SORCS3: variants seen among roughly 807,000 people sequenced by gnomAD.
The protein encoded by SORCS3 is VPS10 domain-containing receptor SorCS3.
SORCS3 carries 57 observed loss-of-function variants against 146.3 expected under a neutral mutation model. The observed-to-expected ratio is 0.39, with a 90% CI of 0.31 to 0.49. The LOEUF (loss-of-function observed/expected upper bound fraction) is 0.49. Among genes scored for constraint, SORCS3 ranks in the 20% least tolerant of loss-of-function variants. SORCS3 has a pLI of 0.92. For missense variants in SORCS3, 1,341 were observed against 1,575.5 expected (o/e 0.85, Z 2.52); for synonymous variants, 653 against 618.5 (o/e 1.06, Z -0.83).
intron 7 of SORCS3, among the ~76,000 whole-genome samples, chr10:105,122,971 T>C (rs1178932156): frequency 1.3e-5 from 2 of 152,204 alleles, no homozygotes; most frequent in African/African-American, 4.8e-5. Flanking sequence ...TGGGTGATCT[T>C]GGGCCATCAC....
At position 104,915,937 on chromosome 10, in the gene SORCS3, G is replaced by C; in HGVS notation, c.795+5G>C. 1 of 1,611,432 alleles carries C rather than the reference G, an allele frequency of 6.2e-7. No individual in the cohort carries two copies. Among genetic ancestry groups the C allele is most frequent in the South Asian group, 1.1e-5 (1 of 91,030 alleles). On this transcript the variant is annotated splice_donor_5th_base_variant and intron_variant, in intron 3 of 26. Coordinates refer to ENST00000369701, the MANE Select transcript of SORCS3 (RefSeq NM_014978.3). ...AATCCAACCAACAAAAGGAAGGTAA[G>C]AGACTGGGTCAGTAGGTCCTGAGCA... is the stretch of plus-strand genomic sequence containing the variant.
chr10:104,782,512 T>G (rs1192328808), intron 1 of SORCS3, among the ~76,000 whole-genome samples: 2 of 152,238 alleles, frequency 1.3e-5, no homozygotes, highest in Non-Finnish European at 2.9e-5. Context: ...CTAGTTCATC[T>G]TTCTTATCAG....
At chr10:105,155,967 C>CT (rs991116635) in intron 9 of SORCS3, among the ~76,000 whole-genome samples, 7 of 152,180 alleles carry the variant, frequency 4.6e-5, no homozygotes, top group African/African-American at 1.4e-4. Flanking sequence ...GAAGAGAAGA[C>CT]TTTTTATTTC....
In SORCS3 at chr10:104,921,511, G is replaced by C. The variant is rs1007189563; in HGVS notation, c.795+5579G>C. ...TCTCTCTCTCTCTCTCTCTGTGTGT[G>C]TGTGTGTGTGTGTGTGTGTGTGTGT... On this transcript the variant is annotated intron_variant, in intron 3 of 26. Coordinates refer to ENST00000369701, the MANE Select transcript of SORCS3 (RefSeq NM_014978.3). 1.0e-2 allele frequency among the ~76,000 whole-genome samples: 1,503 copies of C among 150,444 alleles called. 24 individuals carry two copies. Among genetic ancestry groups the C allele is most frequent in the South Asian group, 0.036 (171 of 4,740 alleles).
At chr10:104,708,040 G>A (rs2016359194) in intron 1 of SORCS3, among the ~76,000 whole-genome samples, 1 of 152,174 alleles carries the variant, frequency 6.6e-6, no homozygotes, top group Non-Finnish European at 1.5e-5. Flanking sequence ...TGTTGACAAA[G>A]GGGCTGGTTT....
intron 4 of SORCS3, among the ~76,000 whole-genome samples, chr10:104,988,311 G>C (rs1185807402): frequency 6.6e-6 from 1 of 152,098 alleles, no homozygotes; most frequent in African/African-American, 2.4e-5. Flanking sequence ...GCACAATAGA[G>C]TAAGACAACA....
At chr10:105,157,330 C>G in intron 10 of SORCS3, 46 bp downstream of exon 10, 2 of 1,605,070 alleles carry the variant, frequency 1.2e-6, no homozygotes, top group East Asian at 2.2e-5. Flanking sequence ...AGGCTGGCCA[C>G]CTGCAGAAGC....
chr10:104,847,941 C>T (rs1589522254), intron 2 of SORCS3, among the ~76,000 whole-genome samples: 1 of 151,904 alleles, frequency 6.6e-6, no homozygotes, highest in African/African-American at 2.4e-5. Flanking sequence ...TGCTGGAGAC[C>T]TTTCATGACC....
intron 4 of SORCS3, among the ~76,000 whole-genome samples, chr10:105,000,086 A>T (rs1420735408): frequency 1.3e-5 from 2 of 152,066 alleles, no homozygotes; most frequent in African/African-American, 4.8e-5. Context: ...TGAATGAATG[A>T]ATGAACAAAA....
chr10:104,641,341 G>T lies in SORCS3; in HGVS notation c.14G>T (p.Arg5Leu). 1 of 1,344,792 alleles carries T rather than the reference G, an allele frequency of 7.4e-7. No homozygotes were observed. The highest frequency in any genetic ancestry group is 9.5e-7 in the Non-Finnish European group (1 of 1,052,442). 83.3% of individuals were successfully genotyped at this position (1,344,792 alleles called of 1,614,324 possible). ...AGCCGCAGCGGGATGGAGGCGGCGC[G>T]CACGGAGCGCCCCGCAGGCAGGCCG... MEAA[R>L]TERPAGRPGA... Residue 5 changes from arginine to leucine, a missense_variant, in exon 1 of 27, where the codon CGC becomes CTC. Transcript: ENST00000369701. This position sits in a 1 kb window ranked among gnomAD's most constrained non-coding sequence, Gnocchi z 6.4.
chr10:105,146,196 C>G (rs1282175089), intron 8 of SORCS3, among the ~76,000 whole-genome samples: 1 of 151,926 alleles, frequency 6.6e-6, no homozygotes, highest in African/African-American at 2.4e-5. Flanking sequence ...AATGATTATC[C>G]ATGTCCTCCT....
chr10:104,920,151 T>G (rs146925664), intron 3 of SORCS3, among the ~76,000 whole-genome samples: 2,035 of 152,270 alleles, frequency 0.013, 21 homozygotes, highest in Non-Finnish European at 0.021. Flanking sequence ...GGCAGTAGTC[T>G]CTCGTGGATT....
intron 1 of SORCS3, among the ~76,000 whole-genome samples, chr10:104,819,313 C>T (rs2017844920): frequency 6.6e-6 from 1 of 152,076 alleles, no homozygotes; most frequent in Middle Eastern, 3.2e-3. Context: ...CTCAAGGGGT[C>T]TGTGAGTCAC....
chr10:105,118,206 C>T (rs909106240), intron 7 of SORCS3, among the ~76,000 whole-genome samples: 4 of 152,022 alleles, frequency 2.6e-5, no homozygotes, highest in Non-Finnish European at 4.4e-5. Context: ...ATGCTGTTCT[C>T]GTAAAAGTGA....
chr10:104,895,208 A>G lies in SORCS3; in HGVS notation c.696-20625A>G, dbSNP rs184362719. 1.4e-4 allele frequency among the ~76,000 whole-genome samples: 22 copies of G among 152,204 alleles called. No homozygotes were observed. In the East Asian group the frequency reaches 4.3e-3, roughly 29 times the overall value. On this transcript the variant is annotated intron_variant, in intron 2 of 26. Coordinates refer to ENST00000369701, the MANE Select transcript of SORCS3 (RefSeq NM_014978.3). ...GCCATTTTTGTTTTTACCTATTTCA[A>G]TCCCTTTCCACATCTGGGCATGATT...
At chr10:105,226,481 A>G (rs1365618741) in intron 20 of SORCS3, among the ~76,000 whole-genome samples, 1 of 151,776 alleles carries the variant, frequency 6.6e-6, no homozygotes, top group Non-Finnish European at 1.5e-5. Context: ...AGAATTTTCA[A>G]TCCTATATTC....
At chr10:104,977,645 T>A (rs2054908157) in intron 4 of SORCS3, 152 bp downstream of exon 4, 2 of 666,312 alleles carry the variant, frequency 3.0e-6, no homozygotes, top group South Asian at 5.2e-5. Flanking sequence ...CTGCAGCAAC[T>A]AACTTTCCTT....
chr10:104,726,842 C>T (rs1029092887), intron 1 of SORCS3, among the ~76,000 whole-genome samples: 3 of 152,138 alleles, frequency 2.0e-5, no homozygotes, highest in African/African-American at 7.2e-5. Flanking sequence ...AGAATAGGAC[C>T]AGCAGTCCCA....
chr10:104,992,316 G>A (rs1205004356), intron 4 of SORCS3, among the ~76,000 whole-genome samples: 1 of 152,206 alleles, frequency 6.6e-6, no homozygotes, highest in South Asian at 2.1e-4. Context: ...GGACCCCTTG[G>A]AAGAACATCG....
Sources: gnomAD v4.1 joint callset for allele counts (sites outside exome capture counted in the v4.1 genomes callset) on GRCh38, gnomAD v4.1.1 for gene constraint, Gnocchi (gnomAD v3.1) non-coding constraint, MANE v1.5 for transcripts, NCBI Gene and HGNC (gene_info 2026-07-23, HGNC 2026-07-21) for gene names.